Variants in MRAS observed in about 807,000 individuals in gnomAD.
MRAS encodes muscle RAS oncogene homolog.
In MRAS, 4 loss-of-function variants were observed where a neutral mutation model predicts 20.9. The ratio of observed to expected loss-of-function variants is 0.19; its 90% CI spans 0.09 to 0.44. The LOEUF (loss-of-function observed/expected upper bound fraction) is 0.44. Among genes scored for constraint, MRAS ranks in the 20% least tolerant of loss-of-function variants. MRAS has a pLI of 0.99. For synonymous variants in MRAS, 98 were observed against 102.9 expected (o/e 0.95, Z 0.29); for missense variants, 154 against 277.5 (o/e 0.56, Z 3.16).
rs572377190 is a variant in MRAS at position 138,350,029 on chromosome 3, G to A, written c.-19+1262G>A. 3.3e-5 allele frequency: 5 copies of A among 152,328 alleles called. No homozygotes were observed. The South Asian group carries it at 6.2e-4, about 19-fold the overall frequency. 9.4% of individuals were successfully genotyped at this position (152,328 alleles called of 1,614,324 possible). On this transcript the variant is annotated intron_variant, in intron 1 of 5. Coordinates refer to ENST00000423968, the MANE Select transcript of MRAS (RefSeq NM_001085049.3). Reference sequence around the variant, plus strand: ...CTGTCCTGGGCTTCGGAAGGCTCTGGTGCAGCCTGTGTTAGAGTTTTGTAA... The same window carrying A: ...CTGTCCTGGGCTTCGGAAGGCTCTGATGCAGCCTGTGTTAGAGTTTTGTAA...
At chr3:138,360,558 A>T (rs564729258) in intron 1 of MRAS, among the ~76,000 whole-genome samples, 3 of 152,272 alleles carry the variant, frequency 2.0e-5, no homozygotes. Flanking sequence ...AGGACCCCTC[A>T]TCGCCACTCC....
intron 4 of MRAS, 64 bp downstream of exon 4, chr3:138,398,632 C>G: frequency 7.1e-7 from 1 of 1,411,306 alleles, no homozygotes; most frequent in Non-Finnish European, 1.0e-6. Flanking sequence ...CTGGTCACCC[C>G]TGCAGTCCTG....
rs566617529 is a variant in MRAS, at chr3:138,367,172, G to A, written c.-18-5694G>A. Among the ~76,000 whole-genome samples the A allele has an allele frequency of 1.4e-4, 22 of 152,282 alleles. 1 individual carries two copies. Among genetic ancestry groups the A allele is most frequent in the African/African-American group, 5.1e-4 (21 of 41,538 alleles). ...GGGCAAGGAAATGGTTTAAATCACC[G>A]AAGTCTACCAGGTTGAAGGGAAAGC... On this transcript the variant is annotated intron_variant, in intron 1 of 5. Coordinates refer to ENST00000423968, the MANE Select transcript of MRAS (RefSeq NM_001085049.3).
At chr3:138,402,083 C>T in intron 5 of MRAS, 87 bp from the exon 6 acceptor site, 1 of 1,319,362 alleles carries the variant, frequency 7.6e-7, no homozygotes, top group Non-Finnish European at 1.1e-6. Flanking sequence ...CCTCCTCTGA[C>T]TCAGATCTGG....
chr3:138,401,520 C>A (rs1461748864), intron 5 of MRAS, among the ~76,000 whole-genome samples: 4 of 152,196 alleles, frequency 2.6e-5, no homozygotes, highest in African/African-American at 9.7e-5. Flanking sequence ...GTGGCTCATT[C>A]CTGTAATCCC....
At chr3:138,360,116 C>T (rs1258407097) in intron 1 of MRAS, among the ~76,000 whole-genome samples, 2 of 152,228 alleles carry the variant, frequency 1.3e-5, no homozygotes, top group South Asian at 2.1e-4. Flanking sequence ...CTATCCCCTT[C>T]TATCACTTAT....
At chr3:138,358,767 A>G (rs1172167717) in intron 1 of MRAS, among the ~76,000 whole-genome samples, 1 of 152,262 alleles carries the variant, frequency 6.6e-6, no homozygotes, top group African/African-American at 2.4e-5. Context: ...CTGTCAAGGC[A>G]GACAGCTGGG....
At chr3:138,369,047 C>T (rs575227689) in intron 1 of MRAS, among the ~76,000 whole-genome samples, 13 of 152,342 alleles carry the variant, frequency 8.5e-5, no homozygotes, top group African/African-American at 1.9e-4. Flanking sequence ...CCATTAGTCT[C>T]ATCTCTTAGT....
chr3:138,377,407 C>G (rs2054806563), intron 2 of MRAS, among the ~76,000 whole-genome samples: 2 of 152,176 alleles, frequency 1.3e-5, no homozygotes, highest in Admixed American at 6.5e-5. Context: ...GAGTTTGAGA[C>G]CAGCCTGACC....
chr3:138,366,631 G>T (rs932222819), intron 1 of MRAS, among the ~76,000 whole-genome samples: 1 of 152,200 alleles, frequency 6.6e-6, no homozygotes, highest in African/African-American at 2.4e-5. Flanking sequence ...ATAGTGAATC[G>T]TGAAGACGCT....
intron 1 of MRAS, among the ~76,000 whole-genome samples, chr3:138,353,552 T>G (rs2054270820): frequency 6.6e-6 from 1 of 152,240 alleles, no homozygotes; most frequent in South Asian, 2.1e-4. Flanking sequence ...ACATGAACCT[T>G]TGACAGTCCT....
At chr3:138,364,401 G>C (rs1444638194) in intron 1 of MRAS, among the ~76,000 whole-genome samples, 1 of 152,248 alleles carries the variant, frequency 6.6e-6, no homozygotes, top group African/African-American at 2.4e-5. Flanking sequence ...AATAAATGCA[G>C]CTTTTCACAG....
intron 1 of MRAS, among the ~76,000 whole-genome samples, chr3:138,358,043 A>G (rs2054369721): frequency 6.6e-6 from 1 of 152,202 alleles, no homozygotes; most frequent in South Asian, 2.1e-4. Context: ...CCCTTGTCAG[A>G]TGTAAAGGGG....
intron 1 of MRAS, among the ~76,000 whole-genome samples, chr3:138,358,546 G>A (rs1026147812): frequency 2.0e-5 from 3 of 152,200 alleles, no homozygotes; most frequent in African/African-American, 7.2e-5. Context: ...AGAACATTTT[G>A]TAACATAAGG....
chr3:138,368,866 C>T (rs1177336762), intron 1 of MRAS, among the ~76,000 whole-genome samples: 2 of 152,270 alleles, frequency 1.3e-5, no homozygotes, highest in Non-Finnish European at 2.9e-5. Context: ...CTTGACCTCC[C>T]CATCTGCAAA....
intron 1 of MRAS, among the ~76,000 whole-genome samples, chr3:138,369,123 A>G (rs1049944858): frequency 6.6e-6 from 1 of 152,190 alleles, no homozygotes; most frequent in South Asian, 2.1e-4. Context: ...TGAGGAAGCC[A>G]GCTCTGTGGT....
intron 2 of MRAS, among the ~76,000 whole-genome samples, chr3:138,385,422 C>T (rs2054991145): frequency 6.6e-6 from 1 of 151,022 alleles, no homozygotes; most frequent in South Asian, 2.1e-4. Flanking sequence ...ATTGGGATTA[C>T]AGGAATGAAC....
At chr3:138,384,328 A>G (rs996882507) in intron 2 of MRAS, among the ~76,000 whole-genome samples, 1 of 152,174 alleles carries the variant, frequency 6.6e-6, no homozygotes. Context: ...GAACCATGGC[A>G]GAATCGGAAA....
intron 1 of MRAS, among the ~76,000 whole-genome samples, chr3:138,368,780 G>T (rs1266896361): frequency 1.3e-5 from 2 of 152,084 alleles, no homozygotes. Context: ...GCCTGTGAGT[G>T]GTTTTAAAAA....
Sources: allele counts gnomAD v4.1 joint callset (sites outside exome capture counted in the v4.1 genomes callset), GRCh38; gene constraint gnomAD v4.1.1; transcripts MANE v1.5; gene names NCBI Gene and HGNC (gene_info 2026-07-23, HGNC 2026-07-21).